PAPPA2: variants seen among roughly 807,000 people sequenced by gnomAD.
PAPPA2 encodes the protein pappalysin-2.
PAPPA2 carries 86 observed loss-of-function variants against 176.4 expected under a neutral mutation model. The observed-to-expected ratio is 0.49, with a 90% CI of 0.41 to 0.58. The LOEUF is 0.58. Among genes scored for constraint, PAPPA2 ranks in the 20% least tolerant of loss-of-function variants. The pLI is 0.00. For synonymous variants in PAPPA2, 809 were observed against 852.2 expected (o/e 0.95, Z 0.88); for missense variants, 2,073 against 2,256.9 (o/e 0.92, Z 1.65).
At chr1:176,599,441 G>A (rs1372647081) in intron 3 of PAPPA2, among the ~76,000 whole-genome samples, 2 of 149,072 alleles carry the variant, frequency 1.3e-5, no homozygotes, top group Admixed American at 6.7e-5. Flanking sequence ...ATACTCCTGG[G>A]GATGAATCTA....
intron 1 of PAPPA2, among the ~76,000 whole-genome samples, chr1:176,496,747 C>T (rs142612758): frequency 9.2e-5 from 14 of 152,134 alleles, no homozygotes; most frequent in South Asian, 2.1e-4. Context: ...ATGGGGAAGT[C>T]GAGAAAGGGA....
chr1:176,506,979 A>G lies in PAPPA2; in HGVS notation c.-917+43561A>G, dbSNP rs144622105. On this transcript the variant is annotated intron_variant, in intron 1 of 22. Transcript: ENST00000367662. ...AAAGAGCTTCTGCACAGCAAAAGAA[A>G]CTATCAATAGAATAAACAGACAACC... Among the ~76,000 whole-genome samples, 1,240 of 152,278 alleles carry G rather than the reference A, an allele frequency of 8.1e-3. 16 individuals are homozygous for G. Among genetic ancestry groups the G allele is most frequent in the African/African-American group, 0.028 (1,184 of 41,558 alleles).
At chr1:176,676,456 G>GA (rs796957888) in intron 4 of PAPPA2, among the ~76,000 whole-genome samples, 58 of 139,026 alleles carry the variant, frequency 4.2e-4, no homozygotes, top group East Asian at 1.7e-3. Context: ...TATGCTAAGT[G>GA]AAAAAAAAAA....
intron 1 of PAPPA2, among the ~76,000 whole-genome samples, chr1:176,526,030 G>A (rs1649485152): frequency 6.6e-6 from 1 of 152,156 alleles, no homozygotes; most frequent in Non-Finnish European, 1.5e-5. Context: ...AGCTCTTGAG[G>A]CCATGTTTGC....
Position 176,478,202 on chromosome 1 carries a change from T to C in PAPPA2, c.-917+14784T>C, listed in dbSNP as rs1262987520. On this transcript the variant is annotated intron_variant, in intron 1 of 22. Transcript: ENST00000367662. ...GTGCTTTATTTTCAATAAGAAGACA[T>C]TGAGGAATCTTTGTTAAGAATCCAG... Among the ~76,000 whole-genome samples, 2 of 152,208 alleles carry C rather than the reference T, an allele frequency of 1.3e-5. 1 individual carries two copies. The highest frequency in any genetic ancestry group is 2.9e-5 in the Non-Finnish European group (2 of 68,016).
chr1:176,709,901 G>A, intron 10 of PAPPA2, 82 bp from the exon 11 acceptor site: 1 of 1,270,136 alleles, frequency 7.9e-7, no homozygotes, highest in Non-Finnish European at 1.1e-6. Flanking sequence ...TGGAGAAGAA[G>A]TGTTGTGGAC....
intron 1 of PAPPA2, among the ~76,000 whole-genome samples, chr1:176,553,976 GGA>G (rs1201856292): frequency 6.6e-6 from 1 of 151,378 alleles, no homozygotes; most frequent in East Asian, 2.0e-4. Context: ...AGAAAGAGAG[GGA>G]GAGAGAGAGA....
intron 18 of PAPPA2, 49 bp downstream of exon 18, chr1:176,790,026 T>C: frequency 6.4e-7 from 1 of 1,571,626 alleles, no homozygotes; most frequent in African/African-American, 1.4e-5. Context: ...GCTCTAATCT[T>C]GATGCCCAAT....
chr1:176,569,471 T>G (rs114295493), intron 2 of PAPPA2, among the ~76,000 whole-genome samples: 1 of 152,250 alleles, frequency 6.6e-6, no homozygotes, highest in Non-Finnish European at 1.5e-5. Context: ...GCTTATGTTT[T>G]CCTGATACCT....
chr1:176,580,989 T>G (rs1160583627), intron 2 of PAPPA2, among the ~76,000 whole-genome samples: 2 of 152,190 alleles, frequency 1.3e-5, no homozygotes, highest in Non-Finnish European at 2.9e-5. Flanking sequence ...CAATAGTTTT[T>G]TCATTTGTTG....
At chr1:176,551,962 A>G (rs371249842) in intron 1 of PAPPA2, among the ~76,000 whole-genome samples, 1 of 152,148 alleles carries the variant, frequency 6.6e-6, no homozygotes, top group African/African-American at 2.4e-5. Flanking sequence ...GAGTTCCCTT[A>G]AAGAGACAAT....
At chr1:176,553,897 C>T (rs990011621) in intron 1 of PAPPA2, among the ~76,000 whole-genome samples, 1 of 151,812 alleles carries the variant, frequency 6.6e-6, no homozygotes, top group Non-Finnish European at 1.5e-5. Flanking sequence ...TCTCTCTCTC[C>T]CCTCTGCTTT....
Position 176,595,161 on chromosome 1 carries a change from T to A in PAPPA2, c.1557T>A (p.Leu519=), listed in dbSNP as rs1653896314. 6.2e-7 allele frequency: 1 copy of A among 1,614,008 alleles called. No homozygotes were observed. ...CCCAGTACAATGGATACTGGCCCCT[T>A]CGGGGAGAGAAGGTGATACGCTACC... ...LISQYNGYWP[L]RGEKVIRYQV... Residue 519 remains leucine, a synonymous_variant, in exon 3 of 23, where the codon CTT becomes CTA. Coordinates refer to ENST00000367662, the MANE Select transcript of PAPPA2 (RefSeq NM_020318.3).
intron 4 of PAPPA2, among the ~76,000 whole-genome samples, chr1:176,680,646 A>G (rs1659540680): frequency 6.6e-6 from 1 of 152,188 alleles, no homozygotes; most frequent in South Asian, 2.1e-4. Context: ...AAGCGTTAAA[A>G]ATCGCTTCTC....
rs1277676368 is a variant in PAPPA2 at position 176,671,195 on chromosome 1, AAAAG to A, written c.2137+86_2137+89del. ...AGCTTGCGAAAGTAAGTTTGGGGAA[AAAAG>A]AAAGACAGAGAAAAAGTGAATTTAC... On this transcript the variant is annotated intron_variant, in intron 4 of 22. Coordinates refer to ENST00000367662, the MANE Select transcript of PAPPA2 (RefSeq NM_020318.3). 9.6e-6 allele frequency: 15 copies of A among 1,565,498 alleles called. No individual in the cohort carries two copies. The East Asian group carries it at 2.9e-4, about 31-fold the overall frequency.
chr1:176,514,406 AC>A (rs1333662761), intron 1 of PAPPA2, among the ~76,000 whole-genome samples: 2 of 152,272 alleles, frequency 1.3e-5, no homozygotes, highest in Admixed American at 1.3e-4. Context: ...AGCACCTCCC[AC>A]CAGGCTCCAC....
Position 176,765,730 on chromosome 1 carries a change from G to C in PAPPA2, c.4216G>C (p.Val1406Leu). ...CPSLLLDHAD[V>L]VNCTSIGPGL... ...GTCATTGCTGCTTGATCATGCTGAT[G>C]TGGTGAACTGTACCTCTATAGGCCC... is the stretch of plus-strand genomic sequence containing the variant. Residue 1406 changes from valine (V) to leucine (L), a missense_variant, in exon 15 of 23, where the codon GTG becomes CTG. Around this residue, in one of 4 missense-constraint regions of PAPPA2, gnomAD observed 846 missense variants for 857.9 expected, o/e 0.99. Coordinates refer to ENST00000367662, the MANE Select transcript of PAPPA2 (RefSeq NM_020318.3). The C allele has an allele frequency of 2.5e-6, 4 of 1,614,056 alleles. No individual in the cohort carries two copies. The highest frequency in any genetic ancestry group is 3.4e-6 in the Non-Finnish European group (4 of 1,180,022).
At chr1:176,684,597 G>T (rs1214169047) in intron 4 of PAPPA2, among the ~76,000 whole-genome samples, 1 of 152,032 alleles carries the variant, frequency 6.6e-6, no homozygotes, top group Non-Finnish European at 1.5e-5. Context: ...CTGTGTTTCA[G>T]TTTTGTCCTC....
At chr1:176,691,202 C>T (rs1660106378) in intron 5 of PAPPA2, 1 of 969,300 alleles carries the variant, frequency 1.0e-6, no homozygotes, top group African/African-American at 1.8e-5. Flanking sequence ...ATTTGATGAC[C>T]TAGTACAATG....
Sources: allele counts gnomAD v4.1 joint callset (sites outside exome capture counted in the v4.1 genomes callset), GRCh38; gene constraint gnomAD v4.1.1; regional missense constraint gnomAD v4.1.1; transcripts MANE v1.5; gene names NCBI Gene and HGNC (gene_info 2026-07-23, HGNC 2026-07-21).